The following PARD3B variants were observed in gnomAD, a reference collection of about 807,000 sequenced individuals.
PARD3B encodes par-3 family cell polarity regulator beta.
In PARD3B, 103 loss-of-function variants were observed where a neutral mutation model predicts 130.2. The observed-to-expected ratio is 0.79, with a 90% CI of 0.67 to 0.93. PARD3B has a LOEUF of 0.93. Among genes scored for constraint, PARD3B ranks in the 40% least tolerant of loss-of-function variants. The pLI, the probability that PARD3B is intolerant of heterozygous loss-of-function variation, is 0.00. For missense variants in PARD3B, 1,609 were observed against 1,499.2 expected (o/e 1.07, Z -1.21); for synonymous variants, 583 against 553.2 (o/e 1.05, Z -0.76).
intron 15 of PARD3B, among the ~76,000 whole-genome samples, chr2:205,240,759 A>C (rs2039316677): frequency 6.6e-6 from 1 of 152,190 alleles, no homozygotes; most frequent in Admixed American, 6.5e-5. Context: ...ATAGTCACTT[A>C]TGTTATAGAA....
intron 20 of PARD3B, among the ~76,000 whole-genome samples, chr2:205,475,045 G>A (rs539862650): frequency 1.5e-4 from 23 of 152,176 alleles, no homozygotes; most frequent in Admixed American, 4.6e-4. Context: ...TTATCAAGAC[G>A]TATTTGGATG....
intron 2 of PARD3B, among the ~76,000 whole-genome samples, chr2:204,899,030 T>G (rs2046749441): frequency 6.7e-6 from 1 of 149,584 alleles, no homozygotes; most frequent in South Asian, 2.1e-4. Context: ...GAAGTCTGCT[T>G]CTTGTAGGCA....
At chr2:204,706,127 G>A (rs978906402) in intron 2 of PARD3B, among the ~76,000 whole-genome samples, 1 of 152,060 alleles carries the variant, frequency 6.6e-6, no homozygotes, top group African/African-American at 2.4e-5. Context: ...AGGAGAATTG[G>A]GAGGCCGAGG....
chr2:204,986,088 G>A (rs977744175), intron 3 of PARD3B, among the ~76,000 whole-genome samples: 15 of 113,720 alleles, frequency 1.3e-4, no homozygotes, highest in African/African-American at 4.7e-4. Context: ...ACAACAGAGC[G>A]AGACTCTGTC....
chr2:204,667,918 TAAG>T (rs1559043251), intron 1 of PARD3B, among the ~76,000 whole-genome samples: 2 of 152,090 alleles, frequency 1.3e-5, no homozygotes, highest in Non-Finnish European at 2.9e-5. Flanking sequence ...CAAAGACAAA[TAAG>T]AAAAAGTATG....
At position 204,610,935 on chromosome 2, in the gene PARD3B, C is replaced by G. The variant is rs1207176208; in HGVS notation, c.120+64816C>G. On this transcript the variant is annotated intron_variant, in intron 1 of 22. Coordinates refer to ENST00000406610, the MANE Select transcript of PARD3B (RefSeq NM_001302769.2). This position sits in a 1 kb window ranked among gnomAD's most constrained non-coding sequence, Gnocchi z 4.1. ...TTCCAAAGACATTTTACAATGTACA[C>G]TGAAAATGATTGTTCCCAAACTGCA... 1.3e-5 allele frequency among the ~76,000 whole-genome samples: 2 copies of G among 152,164 alleles called. No homozygotes were observed. The highest frequency in any genetic ancestry group is 2.9e-5 in the Non-Finnish European group (2 of 68,032).
At chr2:205,494,375 C>T (rs891951254) in intron 20 of PARD3B, among the ~76,000 whole-genome samples, 1 of 152,148 alleles carries the variant, frequency 6.6e-6, no homozygotes, top group African/African-American at 2.4e-5. Context: ...TGGTGAACTT[C>T]CCCAGCAGTT....
At chr2:205,532,288 GTTTC>G (rs1310118077) in intron 21 of PARD3B, among the ~76,000 whole-genome samples, 3 of 152,072 alleles carry the variant, frequency 2.0e-5, no homozygotes, top group African/African-American at 7.3e-5. Flanking sequence ...ATATTGTCAT[GTTTC>G]TTTGTGTTAT....
intron 15 of PARD3B, among the ~76,000 whole-genome samples, chr2:205,239,062 A>T (rs1479719165): frequency 6.6e-6 from 1 of 151,420 alleles, no homozygotes. Context: ...ATAAATTTTT[A>T]CATCAAGTTG....
At chr2:205,546,779 G>A (rs978615581) in intron 21 of PARD3B, among the ~76,000 whole-genome samples, 1 of 152,046 alleles carries the variant, frequency 6.6e-6, no homozygotes, top group Middle Eastern at 3.2e-3. Context: ...ATTTCTAACC[G>A]AGTATTAAAA....
chr2:204,559,649 A>G (rs1170840822), intron 1 of PARD3B, among the ~76,000 whole-genome samples: 1 of 152,244 alleles, frequency 6.6e-6, no homozygotes, highest in Non-Finnish European at 1.5e-5. Context: ...AAGGATCTAG[A>G]GCTAGAAATA....
intron 4 of PARD3B, among the ~76,000 whole-genome samples, chr2:205,063,256 C>T (rs563801428): frequency 1.6e-4 from 24 of 151,872 alleles, no homozygotes; most frequent in African/African-American, 3.4e-4. Flanking sequence ...GATCATTATA[C>T]GTTGTATGAA....
chr2:205,102,955 C>A (rs1175609183), intron 4 of PARD3B, among the ~76,000 whole-genome samples: 1 of 151,862 alleles, frequency 6.6e-6, no homozygotes, highest in African/African-American at 2.4e-5. Context: ...GTAATCCCAG[C>A]CACTCGGGAG....
At position 205,185,757 on chromosome 2, in the gene PARD3B, T is replaced by C. The variant is rs2036060880; in HGVS notation, c.1925-7T>C. On this transcript the variant is annotated splice_region_variant and splice_polypyrimidine_tract_variant and intron_variant, in intron 13 of 22. Transcript: ENST00000406610. ...TTTATACAGCTTCATTTGTTCTTTG[T>C]TTATAGGTCTATTGCTGCCCAATGA... 3.1e-6 allele frequency: 5 copies of C among 1,611,524 alleles called. No individual in the cohort carries two copies. Among genetic ancestry groups the C allele is most frequent in the Middle Eastern group, 1.6e-4 (1 of 6,084 alleles).
At chr2:204,949,310 CTCTT>C (rs903242792) in intron 2 of PARD3B, among the ~76,000 whole-genome samples, 6 of 151,484 alleles carry the variant, frequency 4.0e-5, no homozygotes, top group African/African-American at 9.7e-5. Flanking sequence ...CTTTCTTTTT[CTCTT>C]TCTTTCTTTC....
intron 2 of PARD3B, among the ~76,000 whole-genome samples, chr2:204,798,676 A>G (rs1279284231): frequency 6.6e-6 from 1 of 151,976 alleles, no homozygotes; most frequent in Non-Finnish European, 1.5e-5. Context: ...AGGACTTTCT[A>G]TTACAACTTG....
At chr2:205,245,108 A>G (rs60497611) in intron 15 of PARD3B, among the ~76,000 whole-genome samples, 21,041 of 152,202 alleles carry the variant, frequency 0.14, 1,843 homozygotes, top group African/African-American at 0.25. Context: ...GCCCAGCACC[A>G]TGCCCTCAAG....
chr2:205,486,941 T>C (rs1012811361), intron 20 of PARD3B, among the ~76,000 whole-genome samples: 2 of 152,190 alleles, frequency 1.3e-5, no homozygotes, highest in Non-Finnish European at 1.5e-5. Flanking sequence ...ATGAAAAGAA[T>C]GTAGGTGATA....
At chr2:205,068,402 T>G (rs1700518016) in intron 4 of PARD3B, among the ~76,000 whole-genome samples, 2 of 152,308 alleles carry the variant, frequency 1.3e-5, no homozygotes, top group African/African-American at 4.8e-5. Context: ...TTTTTTCTCT[T>G]TGGTTAATCT....
Sources: gnomAD v4.1 joint callset for allele counts (sites outside exome capture counted in the v4.1 genomes callset) on GRCh38, gnomAD v4.1.1 for gene constraint, Gnocchi (gnomAD v3.1) non-coding constraint, MANE v1.5 for transcripts, NCBI Gene and HGNC (gene_info 2026-07-23, HGNC 2026-07-21) for gene names.